The following PIK3R1 variants were observed in gnomAD, a reference collection of about 807,000 sequenced individuals.
PIK3R1 encodes phosphatidylinositol 3-kinase regulatory subunit alpha.
PIK3R1 carries 29 observed loss-of-function variants against 98.0 expected under a neutral mutation model. The observed-to-expected ratio is 0.30, with a 90% confidence interval of 0.22 to 0.40. The LOEUF is 0.40. Ranked by LOEUF, PIK3R1 falls within the 10% of genes least tolerant of loss-of-function variation. PIK3R1 has a pLI of 1.00. For missense variants in PIK3R1, 596 were observed against 872.7 expected (o/e 0.68, Z 3.99); for synonymous variants, 282 against 311.8 (o/e 0.90, Z 1.01).
intron 2 of PIK3R1, among the ~76,000 whole-genome samples, chr5:68,242,348 C>T (rs565806788): frequency 1.8e-4 from 27 of 152,272 alleles, no homozygotes; most frequent in African/African-American, 6.5e-4. Flanking sequence ...AGAGAATACA[C>T]GGTGGTCAAA....
chr5:68,236,265 T>C (rs1283998422), intron 2 of PIK3R1, among the ~76,000 whole-genome samples: 1 of 151,726 alleles, frequency 6.6e-6, no homozygotes, highest in Non-Finnish European at 1.5e-5. Flanking sequence ...TGTTTGTTTT[T>C]TTGAGATGGA....
intron 2 of PIK3R1, among the ~76,000 whole-genome samples, chr5:68,262,412 GCACACACACA>G (rs558738731): frequency 1.8e-5 from 2 of 109,916 alleles, no homozygotes; most frequent in African/African-American, 3.8e-5. Context: ...ATACACACAC[GCACACACACA>G]CATACACTAC....
At chr5:68,274,254 A>G (rs1429428427) in intron 4 of PIK3R1, among the ~76,000 whole-genome samples, 2 of 152,208 alleles carry the variant, frequency 1.3e-5, no homozygotes, top group East Asian at 3.8e-4. Context: ...TCATCATCAT[A>G]GCCATCAGGC....
rs142965537 is a variant in PIK3R1 at position 68,278,990 on chromosome 5, G to GA, written c.503-606dup. On this transcript the variant is annotated intron_variant, in intron 4 of 15. Transcript: ENST00000521381. ...GTGGTTCTGGAGGCTAGAAGTCCGA[G>GA]AAAAAAGCATGTTTGGTTTCCCCTG... Among the ~76,000 whole-genome samples, 1,206 of 152,262 alleles carry GA rather than the reference G, an allele frequency of 7.9e-3. 18 individuals are homozygous for GA. The highest frequency in any genetic ancestry group is 0.028 in the African/African-American group (1,165 of 41,534).
At chr5:68,277,232 T>C (rs940514525) in intron 4 of PIK3R1, among the ~76,000 whole-genome samples, 3 of 152,196 alleles carry the variant, frequency 2.0e-5, no homozygotes, top group Non-Finnish European at 4.4e-5. Context: ...GTGGTGACCA[T>C]AGAGAATTCC....
At chr5:68,221,458 A>T (rs1744088655) in intron 1 of PIK3R1, among the ~76,000 whole-genome samples, 1 of 152,154 alleles carries the variant, frequency 6.6e-6, no homozygotes. Flanking sequence ...ACCCTTCCAT[A>T]CCCTCCTGCC....
chr5:68,284,016 G>A (rs574452573), intron 7 of PIK3R1, among the ~76,000 whole-genome samples: 1 of 152,292 alleles, frequency 6.6e-6, no homozygotes, highest in South Asian at 2.1e-4. Context: ...TCCATGAGCT[G>A]TGCAGTGGAA....
At chr5:68,241,617 G>A (rs1744876972) in intron 2 of PIK3R1, among the ~76,000 whole-genome samples, 1 of 152,170 alleles carries the variant, frequency 6.6e-6, no homozygotes, top group African/African-American at 2.4e-5. Context: ...AGTCCACTTA[G>A]TGCTATTTGC....
intron 15 of PIK3R1, 33 bp downstream of exon 15, chr5:68,296,374 A>AT: frequency 3.8e-6 from 6 of 1,574,190 alleles, no homozygotes; most frequent in Middle Eastern, 1.7e-4. Flanking sequence ...TCTTTACAAC[A>AT]TCTCATGAAG....
intron 1 of PIK3R1, among the ~76,000 whole-genome samples, chr5:68,224,428 T>A (rs1744205143): frequency 6.6e-6 from 1 of 152,260 alleles, no homozygotes; most frequent in Non-Finnish European, 1.5e-5. Context: ...ATTAATATTC[T>A]TGCTCCACAA....
intron 7 of PIK3R1, among the ~76,000 whole-genome samples, chr5:68,287,100 G>A (rs1018671451): frequency 6.6e-6 from 1 of 152,220 alleles, no homozygotes; most frequent in African/African-American, 2.4e-5. Flanking sequence ...AGTTGCTGCT[G>A]TTGGCCTGTG....
chr5:68,244,585 A>T (rs948404212), intron 2 of PIK3R1, among the ~76,000 whole-genome samples: 5 of 119,616 alleles, frequency 4.2e-5, no homozygotes, highest in Admixed American at 2.4e-4. Flanking sequence ...TCTGCTCTGG[A>T]CCTCAAAAAA....
chr5:68,298,808 T>C lies in PIK3R1; in HGVS notation c.*1207T>C, dbSNP rs1481579202. ...GTCCAACAATGTTGTTTTAAGACTC[T>C]TAAAATACGGTACCTGGCAATGTTT... On this transcript the variant is annotated 3_prime_UTR_variant, in exon 16 of 16. Transcript: ENST00000521381. 4.3e-6 allele frequency: 1 copy of C among 233,262 alleles called. No homozygotes were observed. Among genetic ancestry groups the C allele is most frequent in the Non-Finnish European group, 8.5e-6 (1 of 117,950 alleles). The allele number at this position is 233,262 out of a possible 1,614,324, so 14.4% of individuals were successfully genotyped here.
intron 4 of PIK3R1, among the ~76,000 whole-genome samples, chr5:68,279,122 TC>T (rs1038505360): frequency 6.6e-6 from 1 of 152,004 alleles, no homozygotes; most frequent in Non-Finnish European, 1.5e-5. Context: ...TGTCCTCATT[TC>T]CCCTCCTAGA....
chr5:68,295,537 G>A (rs760010286), intron 14 of PIK3R1, 49 bp downstream of exon 14: 2 of 1,467,830 alleles, frequency 1.4e-6, no homozygotes, highest in Non-Finnish European at 1.9e-6. Context: ...TCTCATTTTA[G>A]GAAAATGCAT....
In PIK3R1 at chr5:68,290,664, A is replaced by G. The variant is rs890839215; in HGVS notation, c.917-1595A>G. ...TAGGTTTTAAAATGAATTCCAAGAC[A>G]CCATTACAAAGAAAGCCGGACTCTT... On this transcript the variant is annotated intron_variant, in intron 7 of 15. Transcript: ENST00000521381. The G allele has an allele frequency of 3.9e-6, 6 of 1,555,670 alleles. No individual in the cohort carries two copies. The African/African-American group carries it at 8.3e-5, about 22-fold the overall frequency.
chr5:68,229,747 T>A (rs10515070), intron 2 of PIK3R1, among the ~76,000 whole-genome samples: 50,269 of 152,058 alleles, frequency 0.33, 9,199 homozygotes, highest in East Asian at 0.72. Flanking sequence ...TGTACGATAG[T>A]GTCTTACTTT....
rs761209777 is a variant in PIK3R1, at chr5:68,280,704, A to G, written c.811A>G (p.Met271Val). Residue 271 changes from methionine (M) to valine (V), a missense_variant, in exon 6 of 16, where the codon ATG (methionine) becomes GTG (valine). Around this residue, in one of 3 missense-constraint regions of PIK3R1, gnomAD observed 352 missense variants for 393.3 expected, o/e 0.90. Coordinates refer to ENST00000521381, the MANE Select transcript of PIK3R1 (RefSeq NM_181523.3). ...ARVLSEIFSP[M>V]LFRFSAASSD... Reference sequence around the variant, plus strand: ...AGTACTCTCTGAAATTTTCAGCCCTATGCTTTTCAGATTCTCAGCAGCCAG... The same window carrying G: ...AGTACTCTCTGAAATTTTCAGCCCTGTGCTTTTCAGATTCTCAGCAGCCAG... The G allele has an allele frequency of 5.1e-5, 83 of 1,613,968 alleles. No individual in the cohort carries two copies. Among genetic ancestry groups the G allele is most frequent in the Non-Finnish European group, 6.1e-5 (72 of 1,179,982 alleles).
rs942345822 is a variant in PIK3R1 at position 68,252,946 on chromosome 5, G to GT, written c.335-20436dup. 5.9e-5 allele frequency among the ~76,000 whole-genome samples: 9 copies of GT among 151,984 alleles called. No homozygotes were observed. In the South Asian group the frequency reaches 6.2e-4, roughly 11 times the overall value. ...ATTCCACCTTTCTCAGATGCTCCCA[G>GT]TTTTTTTTCCCAGATGGCACCTGAC... On this transcript the variant is annotated intron_variant, in intron 2 of 15. Coordinates refer to ENST00000521381, the MANE Select transcript of PIK3R1 (RefSeq NM_181523.3).
Sources: allele counts gnomAD v4.1 joint callset (sites outside exome capture counted in the v4.1 genomes callset), GRCh38; gene constraint gnomAD v4.1.1; regional missense constraint gnomAD v4.1.1; transcripts MANE v1.5; gene names NCBI Gene and HGNC (gene_info 2026-07-23, HGNC 2026-07-21).